The following CEP63 variants were observed in gnomAD, a reference collection of about 807,000 sequenced individuals.
CEP63 encodes the protein centrosomal protein 63, also known as centrosomal protein of 63 kDa.
CEP63 carries 84 observed loss-of-function variants against 89.1 expected under a neutral mutation model. That is an observed-to-expected ratio of 0.94 (90% CI 0.79 to 1.13). CEP63 has a LOEUF of 1.13. Ranked by LOEUF, CEP63 falls within the 50% of genes most tolerant of loss-of-function variation. The pLI is 0.00. For synonymous variants in CEP63, 267 were observed against 272.5 expected (o/e 0.98, Z 0.20); for missense variants, 838 against 813.3 (o/e 1.03, Z -0.37).
the CEP63 span, among the ~76,000 whole-genome samples, chr3:134,739,621 C>A: frequency 6.9e-4 from 104 of 151,696 alleles, 1 homozygote; most frequent in Non-Finnish European, 2.4e-4. Flanking sequence ...CATAATGTTG[C>A]GCAAAGACAG....
At chr3:134,556,303 A>G (rs563910435) in intron 12 of CEP63, among the ~76,000 whole-genome samples, 34 of 152,326 alleles carry the variant, frequency 2.2e-4, no homozygotes, top group African/African-American at 7.9e-4. Context: ...GAGCTTCTGT[A>G]CAGCAAAAGA....
chr3:134,692,168 G>T, the CEP63 span, among the ~76,000 whole-genome samples: 1 of 151,882 alleles, frequency 6.6e-6, no homozygotes, highest in African/African-American at 2.4e-5. Flanking sequence ...GTGCAGGTTT[G>T]TTACATATGT....
the CEP63 span, among the ~76,000 whole-genome samples, chr3:134,650,278 G>A: frequency 1.3e-5 from 2 of 152,214 alleles, no homozygotes; most frequent in East Asian, 1.9e-4. Flanking sequence ...CCAAACCTGC[G>A]TTCCTTTTAC....
At chr3:134,639,469 A>G in the CEP63 span, among the ~76,000 whole-genome samples, 1 of 152,156 alleles carries the variant, frequency 6.6e-6, no homozygotes. Context: ...GGAACGGAAA[A>G]CAAAGGACCA....
rs116630440 is a variant in CEP63, at chr3:134,557,252, A to G, written c.1468-890A>G. Among the ~76,000 whole-genome samples, 1,152 of 152,200 alleles carry G rather than the reference A, an allele frequency of 7.6e-3. 17 individuals are homozygous for G. Among genetic ancestry groups the G allele is most frequent in the African/African-American group, 0.026 (1,095 of 41,530 alleles). ...TATCTGGCATTGACAACTTGTTGAAAGATTTTGTAGCTCATAGTCACTACT... is the reference window on the plus strand; with the variant it reads ...TATCTGGCATTGACAACTTGTTGAAGGATTTTGTAGCTCATAGTCACTACT... On this transcript the variant is annotated intron_variant, in intron 12 of 14. Coordinates refer to ENST00000675561, the MANE Select transcript of CEP63 (RefSeq NM_001353108.3).
chr3:134,647,413 T>C, the CEP63 span: 1 of 1,576,330 alleles, frequency 6.3e-7, no homozygotes, highest in Non-Finnish European at 8.7e-7. Context: ...TCCTATAGGT[T>C]GAAAGGAAAA....
chr3:134,505,967 A>C (rs1411655785), intron 2 of CEP63, among the ~76,000 whole-genome samples: 1 of 152,216 alleles, frequency 6.6e-6, no homozygotes, highest in Non-Finnish European at 1.5e-5. Context: ...TGTCATGGTC[A>C]CAGCATTTTG....
At chr3:134,659,889 C>G in the CEP63 span, among the ~76,000 whole-genome samples, 2 of 152,212 alleles carry the variant, frequency 1.3e-5, no homozygotes, top group Admixed American at 6.5e-5. Context: ...GGAGATTTTT[C>G]AGTGTCAGTG....
the CEP63 span, among the ~76,000 whole-genome samples, chr3:134,631,470 A>G: frequency 1.3e-5 from 2 of 152,176 alleles, no homozygotes. Context: ...AGATAAATAT[A>G]TTAGTCTGCC....
chr3:134,714,925 C>G, the CEP63 span, among the ~76,000 whole-genome samples: 1 of 152,184 alleles, frequency 6.6e-6, no homozygotes, highest in Non-Finnish European at 1.5e-5. Context: ...GGGCTAAATG[C>G]CCAGGTAAAG....
the CEP63 span, among the ~76,000 whole-genome samples, chr3:134,774,204 C>A: frequency 1.3e-5 from 2 of 152,120 alleles, no homozygotes; most frequent in Admixed American, 1.3e-4. Context: ...CCCCTCCTCA[C>A]CTTCTTCTTA....
At chr3:134,566,571 C>G (rs1577480371), downstream of CEP63, among the ~76,000 whole-genome samples, 1 of 151,930 alleles carries the variant, frequency 6.6e-6, no homozygotes, top group South Asian at 2.1e-4. Context: ...AATAGTCATT[C>G]AAAATTTAAG....
chr3:134,676,454 A>G, the CEP63 span, among the ~76,000 whole-genome samples: 1 of 152,312 alleles, frequency 6.6e-6, no homozygotes, highest in Admixed American at 6.5e-5. Flanking sequence ...GTGACTGTCA[A>G]TGTGTGCAGG....
At chr3:134,744,793 G>T in the CEP63 span, among the ~76,000 whole-genome samples, 1 of 152,100 alleles carries the variant, frequency 6.6e-6, no homozygotes, top group African/African-American at 2.4e-5. Flanking sequence ...GCTAGGATTA[G>T]TGGTGTGAGC....
At chr3:134,704,741 A>T in the CEP63 span, among the ~76,000 whole-genome samples, 3 of 152,212 alleles carry the variant, frequency 2.0e-5, no homozygotes, top group Non-Finnish European at 4.4e-5. Flanking sequence ...CATGGTCCCT[A>T]TGTGCTTTAT....
the CEP63 span, among the ~76,000 whole-genome samples, chr3:134,710,604 G>A: frequency 4.6e-5 from 7 of 152,042 alleles, no homozygotes; most frequent in African/African-American, 1.4e-4. Context: ...CAGGCACCAC[G>A]CCCTAAAGAG....
the CEP63 span, among the ~76,000 whole-genome samples, chr3:134,707,431 G>A: frequency 3.9e-5 from 6 of 152,204 alleles, no homozygotes; most frequent in Non-Finnish European, 8.8e-5. Flanking sequence ...TAACTGAATG[G>A]ATAGCACAAG....
chr3:134,572,337 A>G (rs1191796807), intron 11 of CEP63, among the ~76,000 whole-genome samples: 1 of 152,118 alleles, frequency 6.6e-6, no homozygotes, highest in Non-Finnish European at 1.5e-5. Context: ...GAGGTTTGGG[A>G]TATGAATGAT....
At chr3:134,633,701 T>C in the CEP63 span, among the ~76,000 whole-genome samples, 2 of 152,150 alleles carry the variant, frequency 1.3e-5, no homozygotes, top group South Asian at 4.1e-4. Context: ...GAACAAGTCA[T>C]AGATATCCAC....
Sources: gnomAD v4.1 joint callset for allele counts (sites outside exome capture counted in the v4.1 genomes callset) on GRCh38, gnomAD v4.1.1 for gene constraint, MANE v1.5 for transcripts, NCBI Gene and HGNC (gene_info 2026-07-23, HGNC 2026-07-21) for gene names.